The following HIP1 variants were observed in gnomAD, a reference collection of about 807,000 sequenced individuals.
The protein encoded by HIP1 is huntingtin interacting protein 1, also known as huntingtin-interacting protein 1.
HIP1 carries 65 observed loss-of-function variants against 147.6 expected under a neutral mutation model. The ratio of observed to expected loss-of-function variants is 0.44; its 90% confidence interval spans 0.36 to 0.54. The LOEUF (loss-of-function observed/expected upper bound fraction) is 0.54. HIP1 is among the 20% of genes least tolerant of loss of function. The pLI, the probability that HIP1 is intolerant of heterozygous loss-of-function variation, is 0.00. For missense variants in HIP1, 1,061 were observed against 1,299.6 expected (o/e 0.82, Z 2.82); for synonymous variants, 479 against 504.0 (o/e 0.95, Z 0.67).
chr7:75,538,815 C>G (rs1458527458), intron 30 of HIP1, among the ~76,000 whole-genome samples: 1 of 151,360 alleles, frequency 6.6e-6, no homozygotes, highest in Non-Finnish European at 1.5e-5. Context: ...ACCTCGTGAT[C>G]CGCCCGCCTC....
intron 1 of HIP1, among the ~76,000 whole-genome samples, chr7:75,678,755 G>A (rs984064884): frequency 6.6e-5 from 10 of 152,316 alleles, no homozygotes; most frequent in African/African-American, 2.2e-4. Context: ...CCAGGCCCGT[G>A]CTTTTCCAGC....
At chr7:75,637,977 A>AACCCCCC (rs1798483924) in intron 1 of HIP1, among the ~76,000 whole-genome samples, 2 of 38,636 alleles carry the variant, frequency 5.2e-5, no homozygotes, top group South Asian at 2.1e-3. Context: ...GCAGACCCAG[A>AACCCCCC]CCCCCCCCCC....
chr7:75,549,195 C>T (rs587756295), intron 22 of HIP1, among the ~76,000 whole-genome samples, 194 bp from the exon 23 acceptor site: 2 of 152,182 alleles, frequency 1.3e-5, no homozygotes, highest in South Asian at 4.2e-4. Flanking sequence ...GAACCTCATG[C>T]TCCTCCTCAC....
intron 1 of HIP1, among the ~76,000 whole-genome samples, chr7:75,723,490 A>G (rs1801559896): frequency 6.6e-6 from 1 of 152,108 alleles, no homozygotes. Context: ...TCTGTCCTGG[A>G]GGGCCTGGGA....
chr7:75,716,231 C>CT (rs1210598598), intron 1 of HIP1, among the ~76,000 whole-genome samples: 15 of 149,236 alleles, frequency 1.0e-4, no homozygotes, highest in South Asian at 2.1e-4. Context: ...CCTGACTTCT[C>CT]TTTTTTTTTT....
At chr7:75,551,284 G>A (rs587661196) in intron 22 of HIP1, among the ~76,000 whole-genome samples, 7 of 132,200 alleles carry the variant, frequency 5.3e-5, no homozygotes, top group African/African-American at 1.7e-4. Flanking sequence ...TGCAGCCTCC[G>A]CCTCCCAGGC....
intron 8 of HIP1, among the ~76,000 whole-genome samples, chr7:75,569,693 C>T (rs1270444590): frequency 6.6e-6 from 1 of 152,132 alleles, no homozygotes; most frequent in Admixed American, 6.6e-5. Flanking sequence ...ATCTTTCTCC[C>T]AAGAACCCTT....
intron 14 of HIP1, among the ~76,000 whole-genome samples, chr7:75,558,785 A>G (rs1554493932): frequency 6.6e-6 from 1 of 152,114 alleles, no homozygotes; most frequent in Non-Finnish European, 1.5e-5. Flanking sequence ...TTGGGAGGCC[A>G]AGGTGGGTGG....
Position 75,537,635 on chromosome 7 carries a change from C to T in HIP1, c.*537G>A, listed in dbSNP as rs184977262. The T allele has an allele frequency of 4.7e-5, 11 of 233,834 alleles. No homozygotes were observed. Among genetic ancestry groups the T allele is most frequent in the South Asian group, 1.8e-4 (1 of 5,594 alleles). The allele number at this position is 233,834 out of a possible 1,614,324, so 14.5% of individuals were successfully genotyped here. ...GCATTCACAGCCAGGACACTCCTGCCGTCCTTCTGACTGTGCAGATCTCAG... is the reference window on the plus strand; with the variant it reads ...GCATTCACAGCCAGGACACTCCTGCTGTCCTTCTGACTGTGCAGATCTCAG... On this transcript the variant is annotated 3_prime_UTR_variant, in exon 31 of 31. Transcript: ENST00000336926.
In HIP1 at chr7:75,592,072, T is replaced by C. The variant is rs1554500886; in HGVS notation, c.368A>G (p.Asp123Gly). 4 of 1,614,070 alleles carry C rather than the reference T, an allele frequency of 2.5e-6. No homozygotes were observed. The South Asian group carries it at 4.4e-5, about 18-fold the overall frequency. The change falls in exon 4 of 31, where the codon GAC becomes GGC. Residue 123 changes from aspartate (D) to glycine (G), a missense_variant. Physicochemically the swap from Asp to Gly is moderately conservative, Grantham distance 94 (BLOSUM62 -1). Transcript: ENST00000336926. ...DSLRYRNELS[D>G]MSRMWGHLSE... is the part of the protein sequence containing the mutation. ...CAAACTCACCCACATCCTGCTCATGTCACTCAATTCATTTCTGTATCTCAG... is the reference window on the plus strand; with the variant it reads ...CAAACTCACCCACATCCTGCTCATGCCACTCAATTCATTTCTGTATCTCAG...
intron 1 of HIP1, among the ~76,000 whole-genome samples, chr7:75,730,381 C>A (rs1390909174): frequency 1.3e-5 from 2 of 151,536 alleles, no homozygotes; most frequent in Non-Finnish European, 2.9e-5. Flanking sequence ...CTCTTGTTGC[C>A]CAGGCTGGAG....
chr7:75,538,358 G>C (rs1395159917), intron 30 of HIP1, 134 bp from the exon 31 acceptor site: 2 of 740,148 alleles, frequency 2.7e-6, no homozygotes, highest in African/African-American at 3.5e-5. Flanking sequence ...TAGTCCCCAA[G>C]TTTCGTGTCT....
intron 22 of HIP1, among the ~76,000 whole-genome samples, chr7:75,552,034 C>A (rs949932467): frequency 6.6e-6 from 1 of 151,572 alleles, no homozygotes; most frequent in African/African-American, 2.4e-5. Context: ...GGATTACAGG[C>A]GCCTACCATC....
At position 75,556,582 on chromosome 7, in the gene HIP1, G is replaced by T. The variant is rs1353128505; in HGVS notation, c.1683+128C>A. On this transcript the variant is annotated intron_variant, in intron 17 of 30. Coordinates refer to ENST00000336926, the MANE Select transcript of HIP1 (RefSeq NM_005338.7). The stretch of plus-strand genomic sequence containing the variant: ...TGCCTGTAGTCCCAGTTACTCGGGG[G>T]GCTAAGTGGGGAGGATCACCTGAGC... 1.7e-5 allele frequency: 11 copies of T among 650,754 alleles called. No individual in the cohort carries two copies. The South Asian group carries it at 1.8e-4, about 10-fold the overall frequency. 40.3% of individuals were successfully genotyped at this position (650,754 alleles called of 1,614,324 possible).
chr7:75,585,577 C>T (rs1359980950), intron 5 of HIP1, among the ~76,000 whole-genome samples: 1 of 151,912 alleles, frequency 6.6e-6, no homozygotes, highest in African/African-American at 2.4e-5. Context: ...GCCCCCTCCC[C>T]TCCACACTCT....
In HIP1 at chr7:75,563,221, G is replaced by A. The variant is rs182112086; in HGVS notation, c.846C>T (p.Phe282=). ...LFYRSSNLQY[F]KRLIQIPQLP... is the part of the protein sequence containing the mutation. ...GCTGGGGGATCTGAATGAGCCGCTT[G>A]AAGTACTGCAGGTTGCTGGAGCGGT... Residue 282 remains phenylalanine, a synonymous_variant, in exon 10 of 31, where the codon TTC becomes TTT. Transcript: ENST00000336926. 176 of 1,614,250 alleles carry A rather than the reference G, an allele frequency of 1.1e-4. 4 individuals carry two copies. The highest frequency in any genetic ancestry group is 7.8e-4 in the South Asian group (71 of 91,092).
intron 6 of HIP1, 27 bp from the exon 7 acceptor site, chr7:75,581,325 C>T (rs1554498550): frequency 1.3e-6 from 2 of 1,587,804 alleles, no homozygotes; most frequent in Admixed American, 1.7e-5. Flanking sequence ...AGAGAGCTTA[C>T]ACTCCACAGC....
chr7:75,646,957 C>A (rs924074881), intron 1 of HIP1, among the ~76,000 whole-genome samples: 2 of 152,022 alleles, frequency 1.3e-5, no homozygotes, highest in Non-Finnish European at 2.9e-5. Context: ...GGAGCATAGC[C>A]CACTACATAA....
At chr7:75,587,584 T>A (rs919787814) in intron 4 of HIP1, among the ~76,000 whole-genome samples, 3 of 152,204 alleles carry the variant, frequency 2.0e-5, no homozygotes, top group Non-Finnish European at 4.4e-5. Context: ...CATAAACCAT[T>A]TCAATGAACA....
Sources: allele counts gnomAD v4.1 joint callset (sites outside exome capture counted in the v4.1 genomes callset), GRCh38; gene constraint gnomAD v4.1.1; transcripts MANE v1.5; gene names NCBI Gene and HGNC (gene_info 2026-07-23, HGNC 2026-07-21).